The following CDHR3 variants were observed in gnomAD, a reference collection of about 807,000 sequenced individuals.
CDHR3 encodes the protein cadherin-related family member 3.
A neutral mutation model predicts 86.6 loss-of-function variants in CDHR3; 79 were observed. The ratio of observed to expected loss-of-function variants is 0.91; its 90% CI spans 0.76 to 1.10. The LOEUF (loss-of-function observed/expected upper bound fraction) is 1.10, where lower values mean the gene tolerates loss of function less well. CDHR3 is among the 50% of genes least tolerant of loss of function. The pLI is 0.00. For synonymous variants in CDHR3, 421 were observed against 402.4 expected, an observed-to-expected ratio of 1.05 and a Z score of -0.55; for missense variants, 1,081 against 1,077.6, an observed-to-expected ratio of 1.00 and a Z score of -0.04.
At chr7:106,029,528 G>T (rs988140147) in intron 17 of CDHR3, among the ~76,000 whole-genome samples, 2 of 150,256 alleles carry the variant, frequency 1.3e-5, no homozygotes, top group East Asian at 3.9e-4. Flanking sequence ...TAGCTGGAAA[G>T]TTCCCTCTCC....
chr7:106,024,617 T>C, intron 15 of CDHR3, 55 bp downstream of exon 15: 1 of 1,550,652 alleles, frequency 6.4e-7, no homozygotes, highest in Non-Finnish European at 8.8e-7. Context: ...ACACTGTTTC[T>C]GGTGACATCA....
At chr7:106,027,660 A>T (rs145019687) in intron 16 of CDHR3, 9 of 172,604 alleles carry the variant, frequency 5.2e-5, no homozygotes, top group East Asian at 1.8e-4. Flanking sequence ...TGTTTTAATT[A>T]AAAAAAAAAA....
intron 4 of CDHR3, among the ~76,000 whole-genome samples, chr7:105,990,612 C>T (rs1326885394): frequency 6.6e-6 from 1 of 152,104 alleles, no homozygotes; most frequent in Non-Finnish European, 1.5e-5. Context: ...ATTGACACTC[C>T]CTGGATGTGG....
intron 3 of CDHR3, among the ~76,000 whole-genome samples, chr7:105,981,751 A>G (rs1447197547): frequency 6.6e-6 from 1 of 152,018 alleles, no homozygotes; most frequent in Non-Finnish European, 1.5e-5. Flanking sequence ...TGTGCTTCTG[A>G]ACCAAACTCC....
At chr7:106,015,387 T>C (rs1249672859) in intron 10 of CDHR3, among the ~76,000 whole-genome samples, 174 bp downstream of exon 10, 1 of 152,108 alleles carries the variant, frequency 6.6e-6, no homozygotes, top group Non-Finnish European at 1.5e-5. Flanking sequence ...TGAAGGGAAA[T>C]GCAAATGCCA....
In CDHR3 at chr7:106,004,615, A is replaced by C. The variant is rs1833679187; in HGVS notation, c.980A>C (p.Asn327Thr). 6.2e-7 allele frequency: 1 copy of C among 1,613,928 alleles called. No homozygotes were observed. The highest frequency in any genetic ancestry group is 1.1e-5 in the South Asian group (1 of 91,088). ...VKDRPYGGQE[N>T]RIQITFIVED... ...GACAGACCATATGGGGGTCAGGAGA[A>C]TCGCATCCAGATAACCTTCATTGTG... The change falls in exon 8 of 19, where the codon AAT becomes ACT. Residue 327 changes from asparagine (N) to threonine (T), a missense_variant. Coordinates refer to ENST00000317716, the MANE Select transcript of CDHR3 (RefSeq NM_152750.5).
chr7:105,989,289 C>G (rs183325828), intron 4 of CDHR3, among the ~76,000 whole-genome samples: 4 of 150,916 alleles, frequency 2.7e-5, no homozygotes, highest in African/African-American at 9.8e-5. Flanking sequence ...CTCCCACACT[C>G]TCTGCTTCCC....
At chr7:105,989,774 G>A (rs1831084674) in intron 4 of CDHR3, among the ~76,000 whole-genome samples, 1 of 152,114 alleles carries the variant, frequency 6.6e-6, no homozygotes, top group African/African-American at 2.4e-5. Flanking sequence ...TGAGAACCCA[G>A]GTCTCCTGAC....
In CDHR3 at chr7:106,026,696, G is replaced by GT; in HGVS notation, c.2272+2dup. ...TCCCCCCATAGGACAAAGAAAGGAGGTATGTACAGTACCTGTTTCCCTTGT... is the reference window on the plus strand; with the variant it reads ...TCCCCCCATAGGACAAAGAAAGGAGGTTATGTACAGTACCTGTTTCCCTTGT... On this transcript the variant is annotated splice_donor_variant, in intron 16 of 18. Coordinates refer to ENST00000317716, the MANE Select transcript of CDHR3 (RefSeq NM_152750.5). LOFTEE classifies it high-confidence loss of function. The GT allele has an allele frequency of 6.2e-7, 1 of 1,613,830 alleles. No individual in the cohort carries two copies. The highest frequency in any genetic ancestry group is 8.5e-7 in the Non-Finnish European group (1 of 1,179,722).
At chr7:106,013,084 T>G in intron 9 of CDHR3, 53 bp downstream of exon 9, 1 of 1,484,194 alleles carries the variant, frequency 6.7e-7, no homozygotes, top group Non-Finnish European at 9.0e-7. Flanking sequence ...TGGTCCAACA[T>G]GCATCATGCT....
At chr7:105,968,340 T>TTTTC (rs1001571215) in intron 1 of CDHR3, among the ~76,000 whole-genome samples, 8 of 152,066 alleles carry the variant, frequency 5.3e-5, no homozygotes, top group African/African-American at 1.4e-4. Context: ...ATGCATTTTC[T>TTTTC]TTTCTTTCTT....
intron 4 of CDHR3, among the ~76,000 whole-genome samples, chr7:105,993,553 G>A (rs1427105877): frequency 6.6e-6 from 1 of 151,868 alleles, no homozygotes; most frequent in African/African-American, 2.4e-5. Context: ...GCACACACCT[G>A]TAGTCCCAGC....
intron 16 of CDHR3, chr7:106,027,527 G>A: frequency 3.4e-6 from 1 of 291,576 alleles, no homozygotes; most frequent in Middle Eastern, 7.3e-4. Context: ...AGAGCTGACT[G>A]ACTTCAGAGA....
At position 105,973,704 on chromosome 7, in the gene CDHR3, C is replaced by T. The variant is rs143206164; in HGVS notation, c.47-1140C>T. On this transcript the variant is annotated intron_variant, in intron 1 of 18. Transcript: ENST00000317716. ...ATTCTTGGCTGGGCATGGTGGCTCA[C>T]GCCTGTAATCCCAGTATTTTGGGAG... 9.1e-3 allele frequency among the ~76,000 whole-genome samples: 1,388 copies of T among 152,300 alleles called. 28 individuals are homozygous for T. The highest frequency in any genetic ancestry group is 0.032 in the African/African-American group (1,331 of 41,566).
intron 1 of CDHR3, among the ~76,000 whole-genome samples, chr7:105,973,069 T>G (rs925408627): frequency 6.6e-6 from 1 of 152,216 alleles, no homozygotes; most frequent in African/African-American, 2.4e-5. Flanking sequence ...CTACTGTCCC[T>G]ACCCACTCCG....
chr7:105,988,221 T>C (rs1388745922), intron 4 of CDHR3, among the ~76,000 whole-genome samples: 1 of 152,218 alleles, frequency 6.6e-6, no homozygotes, highest in Non-Finnish European at 1.5e-5. Flanking sequence ...TTGCAGGCTT[T>C]AGAAGTGTGT....
intron 4 of CDHR3, among the ~76,000 whole-genome samples, chr7:105,989,660 A>T (rs943730092): frequency 2.6e-5 from 4 of 152,094 alleles, no homozygotes; most frequent in African/African-American, 9.7e-5. Context: ...CATATGCCAG[A>T]CCTGGCCCTA....
chr7:105,998,013 A>G (rs996097261), intron 6 of CDHR3, among the ~76,000 whole-genome samples: 3 of 152,014 alleles, frequency 2.0e-5, no homozygotes, highest in Non-Finnish European at 4.4e-5. Context: ...TGTGTCTGCC[A>G]GAGCCTCACT....
chr7:105,989,377 T>G (rs2115723281), intron 4 of CDHR3, among the ~76,000 whole-genome samples: 1 of 151,910 alleles, frequency 6.6e-6, no homozygotes, highest in Non-Finnish European at 1.5e-5. Flanking sequence ...ATCTCTCAGC[T>G]GGAGGCAAAA....
Sources: gnomAD v4.1 joint callset for allele counts (sites outside exome capture counted in the v4.1 genomes callset) on GRCh38, gnomAD v4.1.1 for gene constraint, MANE v1.5 for transcripts, NCBI Gene and HGNC (gene_info 2026-07-23, HGNC 2026-07-21) for gene names.